Variants in PDCD4 observed in about 807,000 individuals in gnomAD.
PDCD4 encodes programmed cell death protein 4.
PDCD4 carries 56 observed loss-of-function variants against 54.0 expected under a neutral mutation model. The observed-to-expected ratio is 1.04, with a 90% CI of 0.84 to 1.30. The LOEUF (loss-of-function observed/expected upper bound fraction) is 1.30, where lower values mean the gene tolerates loss of function less well. Ranked by LOEUF, PDCD4 falls within the 50% of genes most tolerant of loss-of-function variation. The pLI, the probability that PDCD4 is intolerant of heterozygous loss-of-function variation, is 0.00. For missense variants in PDCD4, 584 were observed against 559.8 expected (o/e 1.04, Z -0.44); for synonymous variants, 186 against 194.8 (o/e 0.95, Z 0.37).
chr10:110,884,588 A>G (rs1050819404), intron 4 of PDCD4, among the ~76,000 whole-genome samples: 3 of 152,042 alleles, frequency 2.0e-5, no homozygotes, highest in African/African-American at 4.8e-5. Context: ...TTAAAACACC[A>G]TTTATGATAG....
chr10:110,881,199 A>C, intron 2 of PDCD4, 34 bp from the exon 3 acceptor site: 1 of 1,514,668 alleles, frequency 6.6e-7, no homozygotes, highest in Non-Finnish European at 9.1e-7. Flanking sequence ...TACTTAAAAT[A>C]CTTAGAATTT....
Position 110,894,192 on chromosome 10 carries a change from A to G in PDCD4, c.1092A>G (p.Val364=). The change falls in exon 9 of 12, where the codon GTA becomes GTG. Residue 364 remains valine, a synonymous_variant. Transcript: ENST00000280154. Reference sequence around the variant, plus strand: ...TACCTCATTTTCACCATGAGCTTGTATATGAAGTAAGATTACCTTGCCATG... The same window carrying G: ...TACCTCATTTTCACCATGAGCTTGTGTATGAAGTAAGATTACCTTGCCATG... The part of the protein sequence containing the change: ...LEVPHFHHEL[V]YEAIIMVLES... The G allele has an allele frequency of 1.3e-6, 2 of 1,556,042 alleles. No homozygotes were observed. The highest frequency in any genetic ancestry group is 1.8e-6 in the Non-Finnish European group (2 of 1,127,588).
chr10:110,876,943 A>G (rs1342149328), intron 2 of PDCD4, among the ~76,000 whole-genome samples: 1 of 152,168 alleles, frequency 6.6e-6, no homozygotes, highest in African/African-American at 2.4e-5. Flanking sequence ...TTTCGTAACT[A>G]AATACTACAT....
At chr10:110,872,889 A>G (rs1240193401) in intron 1 of PDCD4, among the ~76,000 whole-genome samples, 1 of 151,910 alleles carries the variant, frequency 6.6e-6, no homozygotes, top group Non-Finnish European at 1.5e-5. Flanking sequence ...GCAGACGTCA[A>G]TTTCGCCCCC....
intron 2 of PDCD4, among the ~76,000 whole-genome samples, chr10:110,876,502 C>G (rs1378991687): frequency 1.3e-5 from 2 of 152,226 alleles, no homozygotes; most frequent in East Asian, 1.9e-4. Context: ...TTCTGCCTAT[C>G]CTTTCACATT....
At chr10:110,894,569 A>G in intron 10 of PDCD4, 47 bp downstream of exon 10, 1 of 843,460 alleles carries the variant, frequency 1.2e-6, no homozygotes, top group Non-Finnish European at 2.0e-6. Flanking sequence ...TATGTCTTAA[A>G]TATATGATTG....
At chr10:110,873,261 TA>T (rs1458017918) in intron 1 of PDCD4, among the ~76,000 whole-genome samples, 1 of 152,242 alleles carries the variant, frequency 6.6e-6, no homozygotes, top group African/African-American at 2.4e-5. Flanking sequence ...GCTTGAATAT[TA>T]TCTGTAGTGC....
At chr10:110,891,406 CAAA>C (rs376743141) in intron 8 of PDCD4, among the ~76,000 whole-genome samples, 2 of 68,706 alleles carry the variant, frequency 2.9e-5, no homozygotes, top group Admixed American at 1.8e-4. Flanking sequence ...GACTCTGTCT[CAAA>C]AAAAAAAAAA....
Position 110,898,134 on chromosome 10 carries a change from G to A in PDCD4, c.*46G>A. On this transcript the variant is annotated 3_prime_UTR_variant, in exon 12 of 12. Coordinates refer to ENST00000280154, the MANE Select transcript of PDCD4 (RefSeq NM_014456.5). ...TTAGATGTTATAAAAATATATATCT[G>A]AATTGTAAGAGTTGTTAGCACAAGT... 1 of 900,290 alleles carries A rather than the reference G, an allele frequency of 1.1e-6. No homozygotes were observed. The highest frequency in any genetic ancestry group is 1.6e-6 in the Non-Finnish European group (1 of 638,470). 55.8% of individuals were successfully genotyped at this position (900,290 alleles called of 1,614,324 possible).
At position 110,899,822 on chromosome 10, in the gene PDCD4, GAC is replaced by G. The variant is rs1845941141; in HGVS notation, c.*1736_*1737del. Reference sequence around the variant, plus strand: ...AAAAAAAAAAAAAAATGAGGTTTAAGACAGTTTTGTCATTACTGGTGGGATCT... The same window carrying G: ...AAAAAAAAAAAAAAATGAGGTTTAAGAGTTTTGTCATTACTGGTGGGATCT... On this transcript the variant is annotated 3_prime_UTR_variant, in exon 12 of 12. Transcript: ENST00000280154. The G allele has an allele frequency of 6.6e-6, 1 of 150,648 alleles. No individual in the cohort carries two copies. The allele number at this position is 150,648 out of a possible 1,614,324, so 9.3% of individuals were successfully genotyped here.
chr10:110,899,357 T>C lies in PDCD4; in HGVS notation c.*1269T>C, dbSNP rs1845916021. The C allele has an allele frequency of 6.6e-6, 1 of 152,250 alleles. No homozygotes were observed. Among genetic ancestry groups the C allele is most frequent in the Non-Finnish European group, 1.5e-5 (1 of 68,044 alleles). The allele number at this position is 152,250 out of a possible 1,614,324, so 9.4% of individuals were successfully genotyped here. On this transcript the variant is annotated 3_prime_UTR_variant, in exon 12 of 12. Coordinates refer to ENST00000280154, the MANE Select transcript of PDCD4 (RefSeq NM_014456.5). ...CCTCATGGGCTTTATCAAGCCCATA[T>C]TACCTCAGCTTATATATAGTTACCA... is the stretch of plus-strand genomic sequence containing the variant.
chr10:110,881,265 G>A lies in PDCD4; in HGVS notation c.76G>A (p.Gly26Ser), dbSNP rs748515325. Residue 26 changes from glycine (G) to serine (S), a missense_variant, in exon 3 of 12, where the codon GGT (glycine) becomes AGT (serine). Physicochemically the swap from Gly to Ser is moderately conservative, Grantham distance 56. Transcript: ENST00000280154. ...PDNLSDSLFS[G>S]DEENAGTEEI... is the part of the protein sequence containing the mutation. The stretch of plus-strand genomic sequence containing the variant: ...TAACTTAAGTGACTCTCTCTTTTCC[G>A]GTGATGAAGAAAATGCTGGGACTGA... 7 of 1,612,878 alleles carry A rather than the reference G, an allele frequency of 4.3e-6. No individual in the cohort carries two copies. Among genetic ancestry groups the A allele is most frequent in the South Asian group, 2.2e-5 (2 of 91,024 alleles).
chr10:110,889,389 GT>G (rs1000427214), intron 6 of PDCD4, 143 bp from the exon 7 acceptor site: 32 of 626,320 alleles, frequency 5.1e-5, no homozygotes, highest in Middle Eastern at 4.4e-4. Context: ...TACTACATAG[GT>G]TTTTTTTTAA....
chr10:110,880,139 ATTT>A lies in PDCD4; in HGVS notation c.44-1093_44-1091del, dbSNP rs1195328155. On this transcript the variant is annotated intron_variant, in intron 2 of 11. Transcript: ENST00000280154. Reference sequence around the variant, plus strand: ...AGTGCCTCCACTTGATCTCCATGGAATTTGAGTATGAAGGACACTCTGCTAGGT... The same window carrying A: ...AGTGCCTCCACTTGATCTCCATGGAAGAGTATGAAGGACACTCTGCTAGGT... Among the ~76,000 whole-genome samples, 3 of 152,326 alleles carry A rather than the reference ATTT, an allele frequency of 2.0e-5. No individual in the cohort carries two copies. The East Asian group carries it at 5.8e-4, about 29-fold the overall frequency.
intron 10 of PDCD4, 122 bp downstream of exon 10, chr10:110,894,644 G>A: frequency 2.5e-6 from 1 of 395,114 alleles, no homozygotes; most frequent in Non-Finnish European, 4.5e-6. Context: ...ATGCCTATAT[G>A]TTTTGTTTTT....
At chr10:110,888,424 C>G (rs976314121) in intron 6 of PDCD4, among the ~76,000 whole-genome samples, 1 of 152,130 alleles carries the variant, frequency 6.6e-6, no homozygotes, top group African/African-American at 2.4e-5. Flanking sequence ...ACAGACAATA[C>G]TCGGTATGAG....
Position 110,881,337 on chromosome 10 carries a change from A to G in PDCD4, c.148A>G (p.Ile50Val). 2 of 1,614,200 alleles carry G rather than the reference A, an allele frequency of 1.2e-6. No homozygotes were observed. The highest frequency in any genetic ancestry group is 1.7e-6 in the Non-Finnish European group (2 of 1,180,022). The change falls in exon 3 of 12, where the codon ATT (isoleucine) becomes GTT (valine). Residue 50 changes from isoleucine to valine, a missense_variant. Transcript: ENST00000280154. ...TGGAAATTGGATTTCAGCATCCTCC[A>G]TTAACGAAGCTAGAATTAATGCCAA... is the stretch of plus-strand genomic sequence containing the variant. ...INGNWISASS[I>V]NEARINAKAK... is the part of the protein sequence containing the mutation.
chr10:110,895,900 T>C (rs752766173), intron 10 of PDCD4, 48 bp from the exon 11 acceptor site: 2 of 1,431,964 alleles, frequency 1.4e-6, no homozygotes, highest in South Asian at 1.4e-5. Flanking sequence ...TTTTATGACA[T>C]TTATTTTATA....
chr10:110,885,371 G>T lies in PDCD4; in HGVS notation c.555+5G>T. 7.6e-7 allele frequency: 1 copy of T among 1,314,090 alleles called. No homozygotes were observed. The highest frequency in any genetic ancestry group is 2.4e-5 in the East Asian group (1 of 42,164). The allele number at this position is 1,314,090 out of a possible 1,614,324, so 81.4% of individuals were successfully genotyped here. On this transcript the variant is annotated splice_donor_5th_base_variant and intron_variant, in intron 5 of 11. Transcript: ENST00000280154. ...GGAGATACTAATGAAGTTGCGGTAGGTTTAAAGTTGCAAGTATAATTTATT... is the reference window on the plus strand; with the variant it reads ...GGAGATACTAATGAAGTTGCGGTAGTTTTAAAGTTGCAAGTATAATTTATT...
Sources: allele counts gnomAD v4.1 joint callset (sites outside exome capture counted in the v4.1 genomes callset), GRCh38; gene constraint gnomAD v4.1.1; transcripts MANE v1.5; gene names NCBI Gene and HGNC (gene_info 2026-07-23, HGNC 2026-07-21).